Variants in PRKCI observed in about 807,000 individuals in gnomAD.
PRKCI encodes the protein protein kinase C iota, also known as protein kinase C iota type.
In PRKCI, 43 loss-of-function variants were observed where a neutral mutation model predicts 84.0. That is an observed-to-expected ratio of 0.51 (90% CI 0.40 to 0.66). The LOEUF (loss-of-function observed/expected upper bound fraction) is 0.66. Ranked by LOEUF, PRKCI falls within the 30% of genes least tolerant of loss-of-function variation. PRKCI has a pLI of 0.00. For missense variants in PRKCI, 459 were observed against 745.6 expected, an observed-to-expected ratio of 0.62 and a Z score of 4.48; for synonymous variants, 216 against 234.4, an observed-to-expected ratio of 0.92 and a Z score of 0.72.
intron 1 of PRKCI, among the ~76,000 whole-genome samples, chr3:170,230,496 A>T (rs1732757252): frequency 6.6e-6 from 1 of 152,154 alleles, no homozygotes; most frequent in Admixed American, 6.6e-5. Context: ...ATGTCCGGCT[A>T]ATTTTTTATT....
intron 12 of PRKCI, among the ~76,000 whole-genome samples, chr3:170,289,921 A>G (rs539396440): frequency 1.5e-4 from 23 of 151,964 alleles, no homozygotes; most frequent in African/African-American, 5.1e-4. Context: ...AAAAGAAGAA[A>G]AAAAAGCCAG....
At chr3:170,275,173 T>G in intron 7 of PRKCI, 56 bp from the exon 8 acceptor site, 1 of 1,480,262 alleles carries the variant, frequency 6.8e-7, no homozygotes, top group Non-Finnish European at 8.9e-7. Context: ...GGTTGCTGTT[T>G]TTTTCTCCTG....
At chr3:170,263,117 C>A (rs545182899) in intron 3 of PRKCI, among the ~76,000 whole-genome samples, 2 of 149,754 alleles carry the variant, frequency 1.3e-5, no homozygotes, top group African/African-American at 4.9e-5. Context: ...TGCAGTGAGT[C>A]GAGATCGCGC....
At chr3:170,275,357 G>A (rs2108856162) in intron 8 of PRKCI, 70 bp downstream of exon 8, 1 of 1,452,780 alleles carries the variant, frequency 6.9e-7, no homozygotes, top group East Asian at 2.4e-5. Flanking sequence ...TTAAAAGTAT[G>A]ACATATTGAC....
chr3:170,222,570 C>T lies in PRKCI; in HGVS notation c.-100C>T. The T allele has an allele frequency of 1.9e-6, 2 of 1,068,450 alleles. No individual in the cohort carries two copies. The highest frequency in any genetic ancestry group is 2.6e-6 in the Non-Finnish European group (2 of 770,420). The allele number at this position is 1,068,450 out of a possible 1,614,324, so 66.2% of individuals were successfully genotyped here. A position where few individuals can be genotyped will look rare whatever the true frequency, so the allele number is the denominator to read the frequency against. On this transcript the variant is annotated 5_prime_UTR_variant, in exon 1 of 18. Coordinates refer to ENST00000295797, the MANE Select transcript of PRKCI (RefSeq NM_002740.6). ...GGTGGGCAGGTAGGTGGGCGGACGG[C>T]CGCGGTTCTCCGGCAAGCGCAGGCG... is the stretch of plus-strand genomic sequence containing the variant.
intron 17 of PRKCI, among the ~76,000 whole-genome samples, chr3:170,302,567 T>A (rs899080602): frequency 4.6e-5 from 7 of 152,204 alleles, no homozygotes; most frequent in Non-Finnish European, 8.8e-5. Context: ...CTGTGACCCA[T>A]GATCTCCCTG....
At chr3:170,234,619 A>G (rs1241705657) in intron 1 of PRKCI, among the ~76,000 whole-genome samples, 1 of 152,192 alleles carries the variant, frequency 6.6e-6, no homozygotes, top group Non-Finnish European at 1.5e-5. Context: ...TCCAGAATAC[A>G]TTCTCTCAAC....
chr3:170,290,501 G>A (rs191877242), intron 12 of PRKCI, among the ~76,000 whole-genome samples: 47 of 150,716 alleles, frequency 3.1e-4, no homozygotes, highest in African/African-American at 9.5e-4. Context: ...ACATATAGAC[G>A]TACATATATT....
In PRKCI at chr3:170,263,804, A is replaced by G. The variant is rs79905218; in HGVS notation, c.364+375A>G. On this transcript the variant is annotated intron_variant, in intron 4 of 17. Coordinates refer to ENST00000295797, the MANE Select transcript of PRKCI (RefSeq NM_002740.6). ...CAGAGACAGGCCTTGTCTCAAGGGG[A>G]AAAAAAAAAAGGAAATAGAAGTTCT... is the stretch of plus-strand genomic sequence containing the variant. Among the ~76,000 whole-genome samples the G allele has an allele frequency of 6.9e-3, 1,005 of 146,504 alleles. 12 individuals are homozygous for G. Among genetic ancestry groups the G allele is most frequent in the African/African-American group, 0.023 (935 of 40,298 alleles).
chr3:170,247,999 T>C, intron 2 of PRKCI, among the ~76,000 whole-genome samples: 1 of 152,192 alleles, frequency 6.6e-6, no homozygotes, highest in East Asian at 1.9e-4. Context: ...TTTAGTGTTC[T>C]GACTGCATAT....
At chr3:170,242,465 C>CAAGAA (rs1220240273) in intron 2 of PRKCI, among the ~76,000 whole-genome samples, 1 of 147,164 alleles carries the variant, frequency 6.8e-6, no homozygotes, top group Non-Finnish European at 1.5e-5. Flanking sequence ...AAAGAAAAGA[C>CAAGAA]AAGAAAAGAA....
At chr3:170,242,299 C>G (rs78278020) in intron 2 of PRKCI, among the ~76,000 whole-genome samples, 1 of 151,222 alleles carries the variant, frequency 6.6e-6, no homozygotes. Flanking sequence ...TATTAACAGC[C>G]AGGCATAGGG....
At chr3:170,288,236 A>G (rs1381887922) in intron 12 of PRKCI, among the ~76,000 whole-genome samples, 1 of 151,528 alleles carries the variant, frequency 6.6e-6, no homozygotes, top group Non-Finnish European at 1.5e-5. Flanking sequence ...ACAGAGTGAG[A>G]CTACGTCTCA....
At chr3:170,273,897 C>T (rs1195589113) in intron 7 of PRKCI, among the ~76,000 whole-genome samples, 2 of 149,244 alleles carry the variant, frequency 1.3e-5, no homozygotes, top group African/African-American at 5.0e-5. Context: ...TTTGGGAGGT[C>T]GAGGCAGAAG....
chr3:170,291,924 T>G lies in PRKCI; in HGVS notation c.1274T>G (p.Leu425Ter). Reference sequence around the variant, plus strand: ...CCTAATTACATTGCTCCTGAAATTTTAAGAGGAGAAGATTATGGTAATAAA... The same window carrying G: ...CCTAATTACATTGCTCCTGAAATTTGAAGAGGAGAAGATTATGGTAATAAA... The part of the protein sequence containing the change: ...GTPNYIAPEI[L>*]RGEDYGFSVD... The change falls in exon 13 of 18, where the codon TTA becomes TGA. Residue 425 changes from leucine to a stop codon, truncating the protein, a stop_gained. Transcript: ENST00000295797. LOFTEE classifies it high-confidence loss of function. The G allele has an allele frequency of 6.3e-7, 1 of 1,596,970 alleles. No homozygotes were observed. Among genetic ancestry groups the G allele is most frequent in the Non-Finnish European group, 8.6e-7 (1 of 1,164,526 alleles).
chr3:170,287,635 G>A (rs147523296), intron 12 of PRKCI, among the ~76,000 whole-genome samples: 1 of 151,804 alleles, frequency 6.6e-6, no homozygotes, highest in African/African-American at 2.4e-5. Flanking sequence ...AATGGGCAGG[G>A]TGTGATGGCT....
chr3:170,234,478 G>A (rs1379160735), intron 1 of PRKCI, among the ~76,000 whole-genome samples: 1 of 152,102 alleles, frequency 6.6e-6, no homozygotes, highest in Admixed American at 6.6e-5. Flanking sequence ...TTTAAATGTG[G>A]ACTTTGATAA....
chr3:170,291,982 A>G (rs749318915), intron 13 of PRKCI, 41 bp downstream of exon 13: 10 of 1,399,064 alleles, frequency 7.1e-6, no homozygotes, highest in Non-Finnish European at 1.0e-5. Flanking sequence ...CTATTGCTAG[A>G]TGGGTGGTAA....
chr3:170,254,159 G>GT (rs143049166), intron 2 of PRKCI, among the ~76,000 whole-genome samples: 41 of 149,302 alleles, frequency 2.7e-4, no homozygotes, highest in East Asian at 2.2e-3. Context: ...AGATTATTAG[G>GT]TTTTTTTTTT....
Sources: allele counts gnomAD v4.1 joint callset (sites outside exome capture counted in the v4.1 genomes callset), GRCh38; gene constraint gnomAD v4.1.1; transcripts MANE v1.5; gene names NCBI Gene and HGNC (gene_info 2026-07-23, HGNC 2026-07-21).